Variants in RERE observed in about 807,000 individuals in gnomAD.
RERE encodes the protein arginine-glutamic acid dipeptide repeats, also known as arginine-glutamic acid dipeptide repeats protein.
Under a neutral mutation model 146.1 loss-of-function variants are expected in RERE, and 40 were observed. The ratio of observed to expected loss-of-function variants is 0.27; its 90% CI spans 0.21 to 0.36. The LOEUF (loss-of-function observed/expected upper bound fraction) is 0.36. Ranked by LOEUF, RERE falls within the 10% of genes least tolerant of loss-of-function variation. The pLI, the probability that RERE is intolerant of heterozygous loss-of-function variation, is 1.00. For missense variants in RERE, 1,933 were observed against 2,138.7 expected (o/e 0.90, Z 1.90); for synonymous variants, 1,003 against 866.0 (o/e 1.16, Z -2.78).
chr1:8,814,265 C>A (rs575294383), intron 1 of RERE, among the ~76,000 whole-genome samples: 1 of 152,342 alleles, frequency 6.6e-6, no homozygotes, highest in East Asian at 1.9e-4. Flanking sequence ...CCCTTTACCA[C>A]TGCAAACCTC....
At chr1:8,728,995 G>A (rs183673286) in intron 1 of RERE, among the ~76,000 whole-genome samples, 1 of 152,024 alleles carries the variant, frequency 6.6e-6, no homozygotes, top group Non-Finnish European at 1.5e-5. Flanking sequence ...GAGAAACCCT[G>A]TCTCTACTAA....
intron 11 of RERE, among the ~76,000 whole-genome samples, chr1:8,463,355 G>T (rs1461027053): frequency 6.6e-6 from 1 of 152,146 alleles, no homozygotes. Context: ...AACGGATACG[G>T]ATGTATACAG....
intron 2 of RERE, among the ~76,000 whole-genome samples, chr1:8,625,888 G>T (rs1646968190): frequency 2.0e-5 from 3 of 152,164 alleles, no homozygotes; most frequent in Admixed American, 2.0e-4. Flanking sequence ...TCTAGAAAAA[G>T]AAGAAATCTC....
chr1:8,474,567 T>C (rs1291986896), intron 10 of RERE, among the ~76,000 whole-genome samples: 1 of 152,210 alleles, frequency 6.6e-6, no homozygotes, highest in African/African-American at 2.4e-5. Context: ...ATTTTCTGTC[T>C]GCGTGATGTT....
intron 8 of RERE, among the ~76,000 whole-genome samples, chr1:8,505,287 A>G (rs977010971): frequency 6.6e-6 from 1 of 152,248 alleles, no homozygotes; most frequent in Non-Finnish European, 1.5e-5. Context: ...TTGAATATTA[A>G]GAAATTGGTA....
At chr1:8,421,184 CAG>C in intron 12 of RERE, among the ~76,000 whole-genome samples, 1 of 152,300 alleles carries the variant, frequency 6.6e-6, no homozygotes, top group African/African-American at 2.4e-5. Context: ...AGAGCAGAGA[CAG>C]AGAACTTGAG....
rs1053803301 is a variant in RERE, at chr1:8,786,449, T to G, written c.-145+30711A>C. 6.6e-6 allele frequency: 6 copies of G among 909,532 alleles called. No individual in the cohort carries two copies. The African/African-American group carries it at 9.7e-5, about 15-fold the overall frequency. 56.3% of individuals were successfully genotyped at this position (909,532 alleles called of 1,614,324 possible). A position where few individuals can be genotyped will look rare whatever the true frequency, so the allele number is the denominator to read the frequency against. ...GCGTTATCTGTCAAAGCAATTTGTT[T>G]ATTCATCTTGCCATAACCACGCTTG... On this transcript the variant is annotated intron_variant, in intron 1 of 22. Coordinates refer to ENST00000400908, the MANE Select transcript of RERE (RefSeq NM_001042681.2).
At chr1:8,500,819 G>A (rs1024910497) in intron 8 of RERE, among the ~76,000 whole-genome samples, 6 of 151,426 alleles carry the variant, frequency 4.0e-5, no homozygotes, top group South Asian at 2.1e-4. Flanking sequence ...CCTCTGCCCC[G>A]CCGCCCTGTC....
At chr1:8,458,132 G>C (rs72866080) in intron 11 of RERE, among the ~76,000 whole-genome samples, 2,873 of 152,172 alleles carry the variant, frequency 0.019, 111 homozygotes, top group African/African-American at 0.067. Flanking sequence ...CAATTCTGTT[G>C]CTAAGAAACT....
intron 4 of RERE, among the ~76,000 whole-genome samples, chr1:8,566,006 G>A (rs1646148091): frequency 6.6e-6 from 1 of 152,186 alleles, no homozygotes; most frequent in Admixed American, 6.5e-5. Context: ...TCTCCCAAAT[G>A]CACTGAGTCA....
chr1:8,475,777 A>G (rs1279116688), intron 10 of RERE, among the ~76,000 whole-genome samples: 1 of 152,202 alleles, frequency 6.6e-6, no homozygotes, highest in Admixed American at 6.5e-5. Context: ...TCGATAACCT[A>G]GTGCCAAGTC....
chr1:8,498,864 G>A (rs1645088401), intron 8 of RERE, among the ~76,000 whole-genome samples: 1 of 151,804 alleles, frequency 6.6e-6, no homozygotes, highest in African/African-American at 2.4e-5. Flanking sequence ...GGACCTTTCT[G>A]GGATGACAGA....
chr1:8,578,644 A>G (rs964771109), intron 4 of RERE, among the ~76,000 whole-genome samples: 2 of 152,034 alleles, frequency 1.3e-5, no homozygotes, highest in Admixed American at 6.6e-5. Context: ...CCAGCAGTAG[A>G]GCAGTGGAAG....
intron 4 of RERE, among the ~76,000 whole-genome samples, chr1:8,610,036 T>G (rs1646773343): frequency 6.6e-6 from 1 of 152,070 alleles, no homozygotes; most frequent in African/African-American, 2.4e-5. Flanking sequence ...CCCAAACTGC[T>G]GGGGATTACA....
rs188752569 is a variant in RERE at position 8,739,921 on chromosome 1, G to T, written c.-145+77239C>A. On this transcript the variant is annotated intron_variant, in intron 1 of 22. Coordinates refer to ENST00000400908, the MANE Select transcript of RERE (RefSeq NM_001042681.2). ...TTAATCCCCCCGTCCAGTTTTACTTGCTTGCTTTTTTTATTCTGTTTTGCC... is the reference window on the plus strand; with the variant it reads ...TTAATCCCCCCGTCCAGTTTTACTTTCTTGCTTTTTTTATTCTGTTTTGCC... Among the ~76,000 whole-genome samples the T allele has an allele frequency of 2.0e-5, 3 of 151,632 alleles. No individual in the cohort carries two copies. In the East Asian group the frequency reaches 5.8e-4, roughly 29 times the overall value.
chr1:8,592,460 T>A (rs1484183191), intron 4 of RERE, among the ~76,000 whole-genome samples: 1 of 152,052 alleles, frequency 6.6e-6, no homozygotes, highest in Non-Finnish European at 1.5e-5. Flanking sequence ...TTTGTAGAGA[T>A]CGGGTTTCAC....
chr1:8,608,128 C>T (rs1195018236), intron 4 of RERE, among the ~76,000 whole-genome samples: 1 of 151,760 alleles, frequency 6.6e-6, no homozygotes, highest in Non-Finnish European at 1.5e-5. Flanking sequence ...GCCTCAAGCA[C>T]TCCTCTCTCC....
At chr1:8,746,093 C>T (rs933631532) in intron 1 of RERE, among the ~76,000 whole-genome samples, 1 of 152,186 alleles carries the variant, frequency 6.6e-6, no homozygotes, top group African/African-American at 2.4e-5. Context: ...ATTCCTCTTA[C>T]TTTTGAAAGG....
At chr1:8,536,299 G>A (rs1214257698) in intron 7 of RERE, among the ~76,000 whole-genome samples, 3 of 152,076 alleles carry the variant, frequency 2.0e-5, no homozygotes, top group African/African-American at 7.2e-5. Flanking sequence ...ATGGACACGA[G>A]GATTAAGTAG....
Sources: allele counts gnomAD v4.1 joint callset (sites outside exome capture counted in the v4.1 genomes callset), GRCh38; gene constraint gnomAD v4.1.1; transcripts MANE v1.5; gene names NCBI Gene and HGNC (gene_info 2026-07-23, HGNC 2026-07-21).